The following PLXDC2 variants were observed in gnomAD, a reference collection of about 807,000 sequenced individuals.
The protein encoded by PLXDC2 is plexin domain containing 2, also known as plexin domain-containing protein 2.
Under a neutral mutation model 68.9 loss-of-function variants are expected in PLXDC2, and 40 were observed. The ratio of observed to expected loss-of-function variants is 0.58; its 90% CI spans 0.45 to 0.76. The LOEUF is 0.76. PLXDC2 is among the 30% of genes least tolerant of loss of function. The probability of loss-of-function intolerance (pLI) is 0.00; values close to 1 mark genes in which losing one functional copy is unlikely to be tolerated. For synonymous variants in PLXDC2, 243 were observed against 234.2 expected (o/e 1.04, Z -0.34); for missense variants, 644 against 661.9 (o/e 0.97, Z 0.30).
At chr10:20,225,672 C>G (rs1835276938) in intron 12 of PLXDC2, among the ~76,000 whole-genome samples, 1 of 152,134 alleles carries the variant, frequency 6.6e-6, no homozygotes, top group Admixed American at 6.5e-5. Context: ...TGGTTCTTAA[C>G]TTTTTCTGTA....
chr10:20,006,945 T>C (rs1358370633), intron 2 of PLXDC2, among the ~76,000 whole-genome samples: 4 of 152,244 alleles, frequency 2.6e-5, no homozygotes, highest in Non-Finnish European at 5.9e-5. Flanking sequence ...TGTTCATTCA[T>C]ACGGACGTAT....
rs1030469294 is a variant in PLXDC2, at chr10:20,011,886, G to A, written c.324+9900G>A. Among the ~76,000 whole-genome samples the A allele has an allele frequency of 3.3e-5, 5 of 152,194 alleles. 1 individual carries two copies. Among genetic ancestry groups the A allele is most frequent in the African/African-American group, 1.2e-4 (5 of 41,452 alleles). ...GCCAGTTGGGTACACGAATCACAGT[G>A]AGTCTTTGCCATTTATTTTATCATA... On this transcript the variant is annotated intron_variant, in intron 2 of 13. Coordinates refer to ENST00000377252, the MANE Select transcript of PLXDC2 (RefSeq NM_032812.9).
Position 20,064,767 on chromosome 10 carries a change from C to G in PLXDC2, c.472-3403C>G, listed in dbSNP as rs539217794. 3.3e-4 allele frequency among the ~76,000 whole-genome samples: 51 copies of G among 152,268 alleles called. 1 individual carries two copies. The South Asian group carries it at 9.7e-3, about 29-fold the overall frequency. On this transcript the variant is annotated intron_variant, in intron 3 of 13. Transcript: ENST00000377252. ...CTTGACTCCAGATGTCTCTCACTCACTCCCAACTTTTAAGCCCAATTAATC... is the reference window on the plus strand; with the variant it reads ...CTTGACTCCAGATGTCTCTCACTCAGTCCCAACTTTTAAGCCCAATTAATC...
At chr10:19,952,073 C>G (rs1462467980) in intron 1 of PLXDC2, among the ~76,000 whole-genome samples, 2 of 152,122 alleles carry the variant, frequency 1.3e-5, no homozygotes, top group Non-Finnish European at 1.5e-5. Flanking sequence ...CAAAATCAGT[C>G]ATACCCCAAA....
chr10:19,976,994 T>C (rs889444883), intron 1 of PLXDC2, among the ~76,000 whole-genome samples: 1 of 152,196 alleles, frequency 6.6e-6, no homozygotes, highest in African/African-American at 2.4e-5. Flanking sequence ...ATTTCATGAA[T>C]GAAAGGTATT....
intron 3 of PLXDC2, among the ~76,000 whole-genome samples, chr10:20,051,420 ATATATATATATATATATATATATG>A: frequency 8.0e-6 from 1 of 125,538 alleles, no homozygotes; most frequent in African/African-American, 3.3e-5. Flanking sequence ...ATATATATAT[ATATATATATATATATATATATATG>A]TGCTATTATG....
At chr10:20,206,837 A>C (rs984534261) in intron 9 of PLXDC2, among the ~76,000 whole-genome samples, 5 of 147,548 alleles carry the variant, frequency 3.4e-5, no homozygotes, top group African/African-American at 1.2e-4. Flanking sequence ...GGTTAATGTC[A>C]TTGTGCTTTG....
At position 19,995,505 on chromosome 10, in the gene PLXDC2, C is replaced by T. The variant is rs77285397; in HGVS notation, c.113-6270C>T. 7.6e-4 allele frequency among the ~76,000 whole-genome samples: 115 copies of T among 152,304 alleles called. 1 individual carries two copies. In the East Asian group the frequency reaches 0.016, roughly 22 times the overall value. On this transcript the variant is annotated intron_variant, in intron 1 of 13. Coordinates refer to ENST00000377252, the MANE Select transcript of PLXDC2 (RefSeq NM_032812.9). ...CTTTTGTCTAGCATGTACCAAAATT[C>T]CAGACTCCCAGAAGGAAGGAAGGTG...
intron 1 of PLXDC2, among the ~76,000 whole-genome samples, chr10:19,971,193 G>A (rs1249372818): frequency 6.6e-6 from 1 of 152,112 alleles, no homozygotes; most frequent in Non-Finnish European, 1.5e-5. Flanking sequence ...TTCACATTTT[G>A]TTGCTTACCT....
chr10:20,179,457 A>C (rs575238363), intron 9 of PLXDC2, among the ~76,000 whole-genome samples: 1 of 152,216 alleles, frequency 6.6e-6, no homozygotes, highest in Admixed American at 6.6e-5. Flanking sequence ...TGTCTAGCAC[A>C]AAGGGTTTCC....
chr10:20,006,111 G>A (rs747083633), intron 2 of PLXDC2, among the ~76,000 whole-genome samples: 2 of 151,976 alleles, frequency 1.3e-5, no homozygotes, highest in Non-Finnish European at 2.9e-5. Flanking sequence ...GCACGGGAGT[G>A]TAGGTTGCAG....
Position 20,211,769 on chromosome 10 carries a change from T to C in PLXDC2, c.1122+40T>C, listed in dbSNP as rs571067875. The C allele has an allele frequency of 4.4e-5, 70 of 1,582,952 alleles. No individual in the cohort carries two copies. In the South Asian group the frequency reaches 7.2e-4, roughly 16 times the overall value. ...TTGTGACAGAATCCTGGGACCAAGC[T>C]GTCATATACATGTGTTTTAACTGTT... is the stretch of plus-strand genomic sequence containing the variant. On this transcript the variant is annotated intron_variant, in intron 10 of 13. Transcript: ENST00000377252.
At chr10:19,994,464 G>T (rs1834809392) in intron 1 of PLXDC2, among the ~76,000 whole-genome samples, 1 of 151,104 alleles carries the variant, frequency 6.6e-6, no homozygotes, top group African/African-American at 2.4e-5. Context: ...ACATAGCTGG[G>T]ACTGCAGGCA....
At chr10:19,862,744 G>T (rs140091681) in intron 1 of PLXDC2, among the ~76,000 whole-genome samples, 81 of 152,274 alleles carry the variant, frequency 5.3e-4, no homozygotes, top group East Asian at 3.9e-3. Context: ...AGTAAATGGT[G>T]TAGGATCTAT....
intron 1 of PLXDC2, among the ~76,000 whole-genome samples, chr10:19,948,228 A>G (rs761725486): frequency 6.6e-6 from 1 of 152,256 alleles, no homozygotes; most frequent in Non-Finnish European, 1.5e-5. Context: ...GGGCCTCAGA[A>G]GAAGGTAAAA....
At chr10:20,271,236 A>G (rs1241250889) in intron 13 of PLXDC2, among the ~76,000 whole-genome samples, 3 of 152,052 alleles carry the variant, frequency 2.0e-5, no homozygotes, top group Non-Finnish European at 2.9e-5. Flanking sequence ...GATTGAAGAG[A>G]CAGGCAGCAG....
chr10:20,187,623 C>T (rs1300052977), intron 9 of PLXDC2, among the ~76,000 whole-genome samples: 7 of 151,682 alleles, frequency 4.6e-5, no homozygotes, highest in Admixed American at 4.6e-4. Flanking sequence ...ATGGGTAAGG[C>T]TGCATGTCTG....
chr10:20,250,782 A>G (rs1288963281), intron 13 of PLXDC2, among the ~76,000 whole-genome samples: 1 of 152,252 alleles, frequency 6.6e-6, no homozygotes, highest in Non-Finnish European at 1.5e-5. Flanking sequence ...AATGAATGGT[A>G]TAAAAGAACT....
intron 1 of PLXDC2, among the ~76,000 whole-genome samples, chr10:19,859,410 A>G (rs184674482): frequency 3.9e-5 from 6 of 152,266 alleles, no homozygotes; most frequent in Middle Eastern, 3.4e-3. Flanking sequence ...CTTGTTTCCA[A>G]CACTCTTTTT....
Sources: allele counts gnomAD v4.1 joint callset (sites outside exome capture counted in the v4.1 genomes callset), GRCh38; gene constraint gnomAD v4.1.1; transcripts MANE v1.5; gene names NCBI Gene and HGNC (gene_info 2026-07-23, HGNC 2026-07-21).